Variants in SYNDIG1L observed in about 807,000 individuals in gnomAD.
The protein encoded by SYNDIG1L is synapse differentiation-inducing gene protein 1-like.
In SYNDIG1L, 13 loss-of-function variants were observed where a neutral mutation model predicts 20.1. The ratio of observed to expected loss-of-function variants is 0.65; its 90% CI spans 0.42 to 1.03. The LOEUF is 1.03. SYNDIG1L is among the 50% of genes least tolerant of loss of function. SYNDIG1L has a pLI of 0.00. For synonymous variants in SYNDIG1L, 128 were observed against 129.3 expected (o/e 0.99, Z 0.07); for missense variants, 294 against 305.1 (o/e 0.96, Z 0.27).
the SYNDIG1L span, among the ~76,000 whole-genome samples, chr14:74,444,757 A>AAAAAC: frequency 1.6e-4 from 24 of 152,084 alleles, no homozygotes; most frequent in African/African-American, 5.8e-4. Flanking sequence ...CCTGTCTCAA[A>AAAAAC]AAAACAAAAC....
intron 1 of SYNDIG1L, among the ~76,000 whole-genome samples, chr14:74,417,388 T>C (rs745582520): frequency 3.3e-5 from 5 of 152,222 alleles, no homozygotes; most frequent in Non-Finnish European, 5.9e-5. Context: ...GGAGGCATCA[T>C]GAACACTGTT....
rs773869735 is a variant in SYNDIG1L at position 74,421,997 on chromosome 14, GA to G, written c.-58+3914del. ...AGATGGGCTTGTGGCTGACAAGGGT[GA>G]AAATTGCTGACAGGATTGGGATGAT... On this transcript the variant is annotated intron_variant, in intron 1 of 3. Coordinates refer to ENST00000331628, the MANE Select transcript of SYNDIG1L (RefSeq NM_001105579.2). Among the ~76,000 whole-genome samples the G allele has an allele frequency of 4.6e-5, 7 of 152,306 alleles. No individual in the cohort carries two copies. The East Asian group carries it at 1.4e-3, about 29-fold the overall frequency.
At chr14:74,453,144 C>G in the SYNDIG1L span, among the ~76,000 whole-genome samples, 1 of 151,746 alleles carries the variant, frequency 6.6e-6, no homozygotes, top group Non-Finnish European at 1.5e-5. Context: ...GTCAGGAGTT[C>G]AAGACCAGCC....
the SYNDIG1L span, among the ~76,000 whole-genome samples, chr14:74,450,223 T>G: frequency 6.6e-6 from 1 of 152,164 alleles, no homozygotes; most frequent in African/African-American, 2.4e-5. Flanking sequence ...AATTTGCAGT[T>G]AAAAATCTTC....
At chr14:74,463,945 C>G in the SYNDIG1L span, among the ~76,000 whole-genome samples, 1 of 139,142 alleles carries the variant, frequency 7.2e-6, no homozygotes, top group Admixed American at 7.2e-5. Context: ...GCTGATGAAC[C>G]GGGCAACTCA....
At chr14:74,428,292 C>T (rs12893163), upstream of SYNDIG1L, among the ~76,000 whole-genome samples, 62,036 of 152,164 alleles carry the variant, frequency 0.41, 12,829 homozygotes, top group Non-Finnish European at 0.44. Context: ...AATTTCTTCC[C>T]GGGAAACTAA....
At chr14:74,429,791 T>G (rs2086290501), upstream of SYNDIG1L, among the ~76,000 whole-genome samples, 1 of 152,216 alleles carries the variant, frequency 6.6e-6, no homozygotes, top group South Asian at 2.1e-4. Context: ...AAGCAAATAG[T>G]GGGAACAAAT....
At chr14:74,467,754 G>C in the SYNDIG1L span, among the ~76,000 whole-genome samples, 1 of 152,204 alleles carries the variant, frequency 6.6e-6, no homozygotes, top group Non-Finnish European at 1.5e-5. Flanking sequence ...GCTGATGGGG[G>C]GTGTGACCCA....
chr14:74,408,706 A>T (rs964700589), intron 2 of SYNDIG1L, among the ~76,000 whole-genome samples: 1 of 152,184 alleles, frequency 6.6e-6, no homozygotes, highest in Non-Finnish European at 1.5e-5. Flanking sequence ...ATGGAGCAAT[A>T]CTAAAATATG....
At chr14:74,460,498 C>G in the SYNDIG1L span, among the ~76,000 whole-genome samples, 1 of 152,242 alleles carries the variant, frequency 6.6e-6, no homozygotes, top group Non-Finnish European at 1.5e-5. Flanking sequence ...GGGCTACAAC[C>G]CCACGCACTT....
chr14:74,430,896 T>C (rs963389944), upstream of SYNDIG1L, among the ~76,000 whole-genome samples: 1 of 152,198 alleles, frequency 6.6e-6, no homozygotes, highest in African/African-American at 2.4e-5. Context: ...TATAAACATG[T>C]ATAATTCCCA....
At chr14:74,409,999 T>C (rs1175407101) in intron 1 of SYNDIG1L, among the ~76,000 whole-genome samples, 198 bp from the exon 2 acceptor site, 5 of 152,214 alleles carry the variant, frequency 3.3e-5, no homozygotes, top group Non-Finnish European at 5.9e-5. Flanking sequence ...CTGGCAGTAG[T>C]GCTTACCCCA....
intron 1 of SYNDIG1L, among the ~76,000 whole-genome samples, chr14:74,421,693 G>C (rs1445147187): frequency 2.6e-5 from 4 of 152,292 alleles, no homozygotes; most frequent in African/African-American, 9.6e-5. Context: ...GAAGCCCTAG[G>C]TAGTGTTCAG....
In SYNDIG1L at chr14:74,409,669, G is replaced by A; in HGVS notation, c.76C>T (p.Pro26Ser). Reference protein sequence around the residue: ...PAHLHGPYPYPETPPSWSCQE... With the variant: ...PAHLHGPYPYSETPPSWSCQE... ...CAGGACCAGCTGGGTGGGGTCTCCG[G>A]GTAGGGATAGGGGCCATGGAGATGG... is the stretch of plus-strand genomic sequence containing the variant. The change falls in exon 2 of 4, where the codon CCG becomes TCG. Residue 26 changes from proline to serine, a missense_variant. Pro to Ser is a moderately conservative substitution (Grantham distance 74). Transcript: ENST00000331628. 6.7e-7 allele frequency: 1 copy of A among 1,499,444 alleles called. No homozygotes were observed. Among genetic ancestry groups the A allele is most frequent in the Non-Finnish European group, 8.9e-7 (1 of 1,125,318 alleles). The allele number at this position is 1,499,444 out of a possible 1,614,324, so 92.9% of individuals were successfully genotyped here.
the SYNDIG1L span, among the ~76,000 whole-genome samples, chr14:74,448,648 T>A: frequency 2.0e-5 from 3 of 152,216 alleles, no homozygotes; most frequent in Non-Finnish European, 4.4e-5. Context: ...TCAATCTCCA[T>A]AAATTTAAAA....
At chr14:74,452,484 C>G in the SYNDIG1L span, among the ~76,000 whole-genome samples, 1 of 152,212 alleles carries the variant, frequency 6.6e-6, no homozygotes, top group Non-Finnish European at 1.5e-5. Context: ...CAAGTTCTCT[C>G]TCTTTGCTGC....
the SYNDIG1L span, among the ~76,000 whole-genome samples, chr14:74,453,888 C>T: frequency 6.6e-6 from 1 of 152,116 alleles, no homozygotes; most frequent in African/African-American, 2.4e-5. Context: ...TTGCTTGAAA[C>T]TGGGGAGGCG....
At chr14:74,477,039 AACACACACACAC>A in the SYNDIG1L span, among the ~76,000 whole-genome samples, 405 of 97,032 alleles carry the variant, frequency 4.2e-3, 7 homozygotes, top group African/African-American at 0.013. Context: ...CCCCATTCCC[AACACACACACAC>A]ACACACACAC....
the SYNDIG1L span, among the ~76,000 whole-genome samples, chr14:74,466,549 G>GC: frequency 1.3e-5 from 2 of 152,070 alleles, no homozygotes; most frequent in African/African-American, 4.8e-5. Flanking sequence ...TTTTCAGGCT[G>GC]CCTCCAAGGG....
Sources: allele counts gnomAD v4.1 joint callset (sites outside exome capture counted in the v4.1 genomes callset), GRCh38; gene constraint gnomAD v4.1.1; transcripts MANE v1.5; gene names NCBI Gene and HGNC (gene_info 2026-07-23, HGNC 2026-07-21).